The following TFEC variants were observed in gnomAD, a reference collection of about 807,000 sequenced individuals.
TFEC encodes class E basic helix-loop-helix protein 34.
Under a neutral mutation model 41.6 loss-of-function variants are expected in TFEC, and 31 were observed. The ratio of observed to expected loss-of-function variants is 0.74; its 90% confidence interval spans 0.56 to 1.01. The LOEUF is 1.01. Among genes scored for constraint, TFEC ranks in the 50% least tolerant of loss-of-function variants. TFEC has a pLI of 0.00. For missense variants in TFEC, 402 were observed against 404.1 expected, an observed-to-expected ratio of 0.99 and a Z score of 0.04; for synonymous variants, 143 against 140.6, an observed-to-expected ratio of 1.02 and a Z score of -0.12.
rs1439410005 is a variant in TFEC, at chr7:116,019,464, T to G, written c.-73+11169A>C. Among the ~76,000 whole-genome samples the G allele has an allele frequency of 3.9e-5, 6 of 152,176 alleles. No individual in the cohort carries two copies. The East Asian group carries it at 1.2e-3, about 29-fold the overall frequency. Reference sequence around the variant, plus strand: ...TTAAGGCTTACACACTATCTTACAATGACAAAATGGCAGCCATCTTCTTAA... The same window carrying G: ...TTAAGGCTTACACACTATCTTACAAGGACAAAATGGCAGCCATCTTCTTAA... On this transcript the variant is annotated intron_variant, in intron 1 of 7. Coordinates refer to ENST00000265440, the MANE Select transcript of TFEC (RefSeq NM_012252.4).
intron 6 of TFEC, among the ~76,000 whole-genome samples, chr7:115,943,381 A>T (rs1399368674): frequency 6.6e-6 from 1 of 151,732 alleles, no homozygotes; most frequent in East Asian, 1.9e-4. Context: ...ATTTTGTGTC[A>T]TTTTTTCTCA....
At chr7:116,065,532 G>C (rs1156254996) in intron 3 of TFEC, among the ~76,000 whole-genome samples, 2 of 152,108 alleles carry the variant, frequency 1.3e-5, no homozygotes, top group African/African-American at 2.4e-5. Context: ...TTTGAACTGG[G>C]AAGTCAGTTG....
intron 3 of TFEC, among the ~76,000 whole-genome samples, chr7:116,065,903 A>T (rs759366011): frequency 6.6e-6 from 1 of 152,144 alleles, no homozygotes; most frequent in Non-Finnish European, 1.5e-5. Flanking sequence ...CTGGAGCTAC[A>T]TGGTGCCAAC....
Position 115,954,758 on chromosome 7 carries a change from A to G in TFEC, c.383-116T>C. ...AATATTATTTGCTCCAAAACGGTACAATAATATTTTTGATGCAAATATTCA... is the reference window on the plus strand; with the variant it reads ...AATATTATTTGCTCCAAAACGGTACGATAATATTTTTGATGCAAATATTCA... On this transcript the variant is annotated intron_variant, in intron 4 of 7. Coordinates refer to ENST00000265440, the MANE Select transcript of TFEC (RefSeq NM_012252.4). The G allele has an allele frequency of 4.0e-6, 3 of 740,970 alleles. No homozygotes were observed. The East Asian group carries it at 8.8e-5, about 22-fold the overall frequency. 45.9% of individuals were successfully genotyped at this position (740,970 alleles called of 1,614,324 possible).
chr7:115,956,580 TTGTTA>T, intron 4 of TFEC, 94 bp downstream of exon 4: 5 of 625,922 alleles, frequency 8.0e-6, no homozygotes, highest in Non-Finnish European at 1.2e-5. Flanking sequence ...TGTAACTGTT[TTGTTA>T]TACTTTTAAA....
chr7:116,065,482 A>G (rs1054444016), intron 3 of TFEC, among the ~76,000 whole-genome samples: 8 of 152,206 alleles, frequency 5.3e-5, no homozygotes, highest in African/African-American at 1.7e-4. Context: ...TACTTCATGC[A>G]TTATGGGAGT....
chr7:115,982,265 C>T (rs1368017790), intron 2 of TFEC, among the ~76,000 whole-genome samples: 1 of 151,658 alleles, frequency 6.6e-6, no homozygotes, highest in African/African-American at 2.4e-5. Context: ...TGGGCTCCCA[C>T]TCTGCCCTTG....
At position 115,974,222 on chromosome 7, in the gene TFEC, T is replaced by A; in HGVS notation, c.215A>T (p.Glu72Val). ...TGCTCCTTCCTCTTTAAAACTTGATTCCATACCGATTATATCCTCAATAAC... is the reference window on the plus strand; with the variant it reads ...TGCTCCTTCCTCTTTAAAACTTGATACCATACCGATTATATCCTCAATAAC... ...EDVIEDIIGM[E>V]SSFKEEGADS... Residue 72 changes from glutamate (E) to valine (V), a missense_variant, in exon 3 of 8, where the codon GAA (glutamate) becomes GTA (valine). Physicochemically the swap from Glu to Val is moderately radical, Grantham distance 121. Transcript: ENST00000265440. 1 of 1,595,370 alleles carries A rather than the reference T, an allele frequency of 6.3e-7. No individual in the cohort carries two copies. Among genetic ancestry groups the A allele is most frequent in the Non-Finnish European group, 8.5e-7 (1 of 1,171,768 alleles).
chr7:116,079,521 T>A (rs1043070740), intron 3 of TFEC, among the ~76,000 whole-genome samples: 1 of 152,068 alleles, frequency 6.6e-6, no homozygotes, highest in Non-Finnish European at 1.5e-5. Flanking sequence ...TCAGTATTTC[T>A]CCTATATACC....
intron 3 of TFEC, among the ~76,000 whole-genome samples, chr7:116,098,346 A>G (rs1173268693): frequency 6.6e-6 from 1 of 152,048 alleles, no homozygotes; most frequent in Non-Finnish European, 1.5e-5. Context: ...TTTAGTAGAG[A>G]TGGGGTTTCA....
chr7:116,124,848 T>C (rs1391121692), intron 1 of TFEC, among the ~76,000 whole-genome samples: 1 of 152,224 alleles, frequency 6.6e-6, no homozygotes, highest in African/African-American at 2.4e-5. Flanking sequence ...GAGCACTATG[T>C]ATGCAAGGCA....
chr7:116,106,151 A>G (rs978751642), intron 3 of TFEC, among the ~76,000 whole-genome samples: 2 of 152,168 alleles, frequency 1.3e-5, no homozygotes, highest in Non-Finnish European at 2.9e-5. Context: ...CCTATTGATT[A>G]AAGAATATCT....
At chr7:115,942,076 C>T in intron 6 of TFEC, 36 bp from the exon 7 acceptor site, 1 of 1,570,928 alleles carries the variant, frequency 6.4e-7, no homozygotes, top group Non-Finnish European at 8.6e-7. Context: ...CACAATTGTG[C>T]ATGTCAGCAG....
At chr7:115,941,075 T>G in intron 7 of TFEC, 144 bp from the exon 8 acceptor site, 21 of 774,064 alleles carry the variant, frequency 2.7e-5, no homozygotes, top group Non-Finnish European at 3.7e-5. Flanking sequence ...TCTTTGCAAA[T>G]AATGAAATTG....
chr7:115,969,441 A>C (rs980603879), intron 3 of TFEC, among the ~76,000 whole-genome samples: 1 of 151,952 alleles, frequency 6.6e-6, no homozygotes, highest in African/African-American at 2.4e-5. Flanking sequence ...CATTGACTAA[A>C]GATCTGAATC....
chr7:115,957,207 G>A (rs1021597225), intron 3 of TFEC, among the ~76,000 whole-genome samples: 3 of 151,916 alleles, frequency 2.0e-5, no homozygotes, highest in East Asian at 1.9e-4. Flanking sequence ...TAGGTATAAC[G>A]GTTGAACATT....
chr7:116,099,188 T>C (rs1797546101), intron 3 of TFEC, among the ~76,000 whole-genome samples: 3 of 152,182 alleles, frequency 2.0e-5, no homozygotes, highest in Admixed American at 6.5e-5. Context: ...GTATCAAAAA[T>C]ATGTAGAGAG....
At chr7:115,994,915 C>T (rs1212883780) in intron 1 of TFEC, among the ~76,000 whole-genome samples, 1 of 152,096 alleles carries the variant, frequency 6.6e-6, no homozygotes, top group African/African-American at 2.4e-5. Context: ...TATTGCGGCA[C>T]TATTCACAAT....
intron 1 of TFEC, among the ~76,000 whole-genome samples, chr7:116,114,678 G>A (rs1274208961): frequency 2.0e-5 from 3 of 151,920 alleles, no homozygotes; most frequent in Non-Finnish European, 4.4e-5. Context: ...AGATCTCTTG[G>A]TCAAAGACCT....
Sources: allele counts gnomAD v4.1 joint callset (sites outside exome capture counted in the v4.1 genomes callset), GRCh38; gene constraint gnomAD v4.1.1; transcripts MANE v1.5; gene names NCBI Gene and HGNC (gene_info 2026-07-23, HGNC 2026-07-21).